The following ANGPTL1 variants were observed in gnomAD, a reference collection of about 807,000 sequenced individuals.
ANGPTL1 encodes angiopoietin like 1, also known as angiopoietin-related protein 1.
A neutral mutation model predicts 46.7 loss-of-function variants in ANGPTL1; 36 were observed. The observed-to-expected ratio is 0.77, with a 90% CI of 0.59 to 1.02. ANGPTL1 has a LOEUF of 1.02. Ranked by LOEUF, ANGPTL1 falls within the 50% of genes least tolerant of loss-of-function variation. ANGPTL1 has a pLI of 0.00. For synonymous variants in ANGPTL1, 221 were observed against 204.3 expected (o/e 1.08, Z -0.69); for missense variants, 571 against 594.7 (o/e 0.96, Z 0.41).
At position 178,853,655 on chromosome 1, in the gene ANGPTL1, G is replaced by A. The variant is rs746768723; in HGVS notation, c.956C>T (p.Thr319Ile). Reference sequence around the variant, plus strand: ...GCCGTCTGTTCTTTTCTGAATAACAGTCCAACCCCCAGGGTCCAAACTGTT... The same window carrying A: ...GCCGTCTGTTCTTTTCTGAATAACAATCCAACCCCCAGGGTCCAAACTGTT... ...CENSLDPGGWTVIQKRTDGSV... is the reference protein window; with the variant it reads ...CENSLDPGGWIVIQKRTDGSV... The change falls in exon 4 of 6, where the codon ACT becomes ATT. Residue 319 changes from threonine to isoleucine, a missense_variant. Thr to Ile is a moderately conservative substitution (Grantham distance 89, BLOSUM62 -1). Coordinates refer to ENST00000234816, the MANE Select transcript of ANGPTL1 (RefSeq NM_004673.4). 3 of 1,612,152 alleles carry A rather than the reference G, an allele frequency of 1.9e-6. No homozygotes were observed. The highest frequency in any genetic ancestry group is 1.1e-5 in the South Asian group (1 of 90,796).
intron 3 of ANGPTL1, among the ~76,000 whole-genome samples, chr1:178,862,232 G>A (rs1352211605): frequency 6.6e-6 from 1 of 152,038 alleles, no homozygotes; most frequent in Non-Finnish European, 1.5e-5. Context: ...TATTGCTACT[G>A]TAACTTAGAA....
intron 3 of ANGPTL1, among the ~76,000 whole-genome samples, chr1:178,862,396 C>G (rs1005932538): frequency 6.6e-6 from 1 of 151,952 alleles, no homozygotes; most frequent in Non-Finnish European, 1.5e-5. Flanking sequence ...AACCATCTAC[C>G]AGGAAGGAGC....
chr1:178,852,860 A>G lies in ANGPTL1; in HGVS notation c.1111T>C (p.Leu371=), dbSNP rs1657271503. Residue 371 remains leucine, a synonymous_variant, in exon 5 of 6, where the codon TTA becomes CTA. Coordinates refer to ENST00000234816, the MANE Select transcript of ANGPTL1 (RefSeq NM_004673.4). The stretch of plus-strand genomic sequence containing the variant: ...ACTTTTTTATCACTCCAGTCTTCTA[A>G]TTCAATCAATAACTTGTAATTATCT... ...NQDNYKLLIE[L]EDWSDKKVYA... is the part of the protein sequence containing the mutation. 1 of 1,613,944 alleles carries G rather than the reference A, an allele frequency of 6.2e-7. No homozygotes were observed. The highest frequency in any genetic ancestry group is 8.5e-7 in the Non-Finnish European group (1 of 1,179,856).
chr1:178,864,814 A>T (rs992958240), intron 3 of ANGPTL1, 140 bp downstream of exon 3: 2 of 497,666 alleles, frequency 4.0e-6, no homozygotes, highest in Middle Eastern at 5.4e-4. Flanking sequence ...TCAATTCTTG[A>T]TATTAATAAA....
chr1:178,854,882 C>G (rs981141048), intron 3 of ANGPTL1, among the ~76,000 whole-genome samples: 3 of 152,158 alleles, frequency 2.0e-5, no homozygotes, highest in African/African-American at 7.2e-5. Context: ...GACTCTTGAA[C>G]TTGAGATTTC....
chr1:178,864,816 A>G (rs917434185), intron 3 of ANGPTL1, 138 bp downstream of exon 3: 1 of 506,544 alleles, frequency 2.0e-6, no homozygotes, highest in Non-Finnish European at 3.1e-6. Context: ...AATTCTTGAT[A>G]TTAATAAAAA....
chr1:178,856,420 T>TTTTTTTTTTTTTTTTG (rs1558152822), intron 3 of ANGPTL1, among the ~76,000 whole-genome samples: 1 of 120,566 alleles, frequency 8.3e-6, no homozygotes, highest in African/African-American at 3.5e-5. Flanking sequence ...TTTTTTTTTT[T>TTTTTTTTTTTTTTTTG]TTTTTTGAGA....
At chr1:178,867,353 G>A (rs1046405910) in intron 2 of ANGPTL1, among the ~76,000 whole-genome samples, 2 of 152,168 alleles carry the variant, frequency 1.3e-5, no homozygotes, top group African/African-American at 2.4e-5. Flanking sequence ...GTGATGGAGC[G>A]AGAATTTGAA....
chr1:178,860,930 A>G (rs1657960304), intron 3 of ANGPTL1, among the ~76,000 whole-genome samples: 1 of 152,214 alleles, frequency 6.6e-6, no homozygotes, highest in Admixed American at 6.5e-5. Flanking sequence ...AAATAACATA[A>G]GTGAATAATT....
rs896308635 is a variant in ANGPTL1 at position 178,871,003 on chromosome 1, G to A, written c.-399C>T. The stretch of plus-strand genomic sequence containing the variant: ...CCGTCTTTAATCCAGCAGAGAAAGC[G>A]TTGTGGCTTTGCTCTGTCTGCCACA... On this transcript the variant is annotated 5_prime_UTR_variant, in exon 1 of 6. The change creates a new upstream start codon in the 5' untranslated region. Transcript: ENST00000234816. The A allele has an allele frequency of 3.9e-5, 6 of 152,176 alleles. No individual in the cohort carries two copies. The highest frequency in any genetic ancestry group is 1.9e-4 in the East Asian group (1 of 5,200). The allele number at this position is 152,176 out of a possible 1,614,324, so 9.4% of individuals were successfully genotyped here. A position where few individuals can be genotyped will look rare whatever the true frequency, so the allele number is the denominator to read the frequency against.
intron 3 of ANGPTL1, among the ~76,000 whole-genome samples, chr1:178,856,921 G>A (rs1383666577): frequency 6.6e-6 from 1 of 151,980 alleles, no homozygotes; most frequent in Non-Finnish European, 1.5e-5. Context: ...AGTTACCTGT[G>A]GCACAAAACA....
At chr1:178,851,411 TC>T (rs1657168545) in intron 5 of ANGPTL1, 95 bp from the exon 6 acceptor site, 2 of 1,122,160 alleles carry the variant, frequency 1.8e-6, no homozygotes, top group Non-Finnish European at 1.2e-6. Context: ...AATTTGAACT[TC>T]CCTTACTAAT....
At chr1:178,853,157 G>A in intron 4 of ANGPTL1, 1 of 985,286 alleles carries the variant, frequency 1.0e-6, no homozygotes, top group Non-Finnish European at 1.2e-6. Context: ...CTTCTGATAT[G>A]TCAGTATTCA....
chr1:178,865,713 T>G lies in ANGPTL1; in HGVS notation c.64A>C (p.Arg22=). 6.2e-7 allele frequency: 1 copy of G among 1,613,764 alleles called. No individual in the cohort carries two copies. The highest frequency in any genetic ancestry group is 8.5e-7 in the Non-Finnish European group (1 of 1,179,934). ...FFLLVDTGHC[R]GGQFKIKKIN... The stretch of plus-strand genomic sequence containing the variant: ...TTTTTAATTTTGAATTGTCCACCTC[T>G]GCAATGTCCAGTGTCCACTAGTAGG... Residue 22 remains arginine, a synonymous_variant, in exon 3 of 6, where the codon AGA becomes CGA. Coordinates refer to ENST00000234816, the MANE Select transcript of ANGPTL1 (RefSeq NM_004673.4).
intron 3 of ANGPTL1, among the ~76,000 whole-genome samples, chr1:178,857,819 A>T (rs867760519): frequency 2.0e-5 from 3 of 152,170 alleles, no homozygotes; most frequent in African/African-American, 7.2e-5. Flanking sequence ...ATATTTAGAA[A>T]CATCAGTGTT....
In ANGPTL1 at chr1:178,852,856, T is replaced by C; in HGVS notation, c.1115A>G (p.Glu372Gly). ...QDNYKLLIELEDWSDKKVYAE... is the reference protein window; with the variant it reads ...QDNYKLLIELGDWSDKKVYAE... ...ATAGACTTTTTTATCACTCCAGTCTTCTAATTCAATCAATAACTTGTAATT... is the reference window on the plus strand; with the variant it reads ...ATAGACTTTTTTATCACTCCAGTCTCCTAATTCAATCAATAACTTGTAATT... Residue 372 changes from glutamate to glycine, a missense_variant, in exon 5 of 6, where the codon GAA becomes GGA. Transcript: ENST00000234816. 6.2e-7 allele frequency: 1 copy of C among 1,613,942 alleles called. No homozygotes were observed. The highest frequency in any genetic ancestry group is 8.5e-7 in the Non-Finnish European group (1 of 1,179,866).
Position 178,865,049 on chromosome 1 carries a change from G to T in ANGPTL1, c.728C>A (p.Pro243Gln). ...TGGCATTAAATCTCTGGGATAACCT[G>T]GATCCCTCTGAATCTCGTTACCTCC... ...LLGGNEIQRD[P>Q]GYPRDLMPPP... is the part of the protein sequence containing the mutation. The change falls in exon 3 of 6, where the codon CCA becomes CAA. Residue 243 changes from proline to glutamine, a missense_variant. Pro to Gln is a moderately conservative substitution (Grantham distance 76, BLOSUM62 -1). Coordinates refer to ENST00000234816, the MANE Select transcript of ANGPTL1 (RefSeq NM_004673.4). The T allele has an allele frequency of 6.6e-7, 1 of 1,508,706 alleles. No homozygotes were observed. The highest frequency in any genetic ancestry group is 1.8e-4 in the Middle Eastern group (1 of 5,564). The allele number at this position is 1,508,706 out of a possible 1,614,324, so 93.5% of individuals were successfully genotyped here.
intron 2 of ANGPTL1, among the ~76,000 whole-genome samples, chr1:178,866,506 A>G (rs1658422421): frequency 6.6e-6 from 1 of 152,152 alleles, no homozygotes; most frequent in Non-Finnish European, 1.5e-5. Flanking sequence ...CTGTAATTAT[A>G]TGTACTCTGA....
intron 3 of ANGPTL1, among the ~76,000 whole-genome samples, chr1:178,857,477 A>G (rs1657666947): frequency 6.6e-6 from 1 of 152,186 alleles, no homozygotes; most frequent in Non-Finnish European, 1.5e-5. Flanking sequence ...GAATTCCACT[A>G]TAATATGACA....
Sources: gnomAD v4.1 joint callset for allele counts (sites outside exome capture counted in the v4.1 genomes callset) on GRCh38, gnomAD v4.1.1 for gene constraint, MANE v1.5 for transcripts, NCBI Gene and HGNC (gene_info 2026-07-23, HGNC 2026-07-21) for gene names.